Variants in ATE1 observed in about 807,000 individuals in gnomAD.
The protein encoded by ATE1 is arginyltransferase 1.
Under a neutral mutation model 70.5 loss-of-function variants are expected in ATE1, and 36 were observed. That is an observed-to-expected ratio of 0.51 (90% CI 0.39 to 0.67). The LOEUF is 0.67. ATE1 is among the 30% of genes least tolerant of loss of function. The pLI, the probability that ATE1 is intolerant of heterozygous loss-of-function variation, is 0.00. For missense variants in ATE1, 593 were observed against 629.5 expected, an observed-to-expected ratio of 0.94 and a Z score of 0.62; for synonymous variants, 232 against 219.3, an observed-to-expected ratio of 1.06 and a Z score of -0.51.
At position 121,845,731 on chromosome 10, in the gene ATE1, G is replaced by C. The variant is rs143250318; in HGVS notation, c.976-4468C>G. Among the ~76,000 whole-genome samples, 129 of 152,262 alleles carry C rather than the reference G, an allele frequency of 8.5e-4. No individual in the cohort carries two copies. The Middle Eastern group carries it at 0.01, about 12-fold the overall frequency. ...GACAGTAAGAATCAGGTTTCTTACA[G>C]TTACAGTGGGAATTTACAGATAAGC... On this transcript the variant is annotated intron_variant, in intron 8 of 11. Coordinates refer to ENST00000224652, the MANE Select transcript of ATE1 (RefSeq NM_001001976.3).
At chr10:121,910,372 G>A (rs1281806597) in intron 5 of ATE1, among the ~76,000 whole-genome samples, 1 of 151,882 alleles carries the variant, frequency 6.6e-6, no homozygotes, top group Non-Finnish European at 1.5e-5. Context: ...TTTAATACTG[G>A]ATAAACTTAT....
intron 10 of ATE1, among the ~76,000 whole-genome samples, chr10:121,803,123 C>G (rs1041773036): frequency 6.6e-6 from 1 of 152,226 alleles, no homozygotes; most frequent in Admixed American, 6.5e-5. Context: ...TCACCCCTCC[C>G]CTTCCACCCC....
chr10:121,904,486 A>G (rs1951110607), intron 5 of ATE1, among the ~76,000 whole-genome samples: 2 of 151,190 alleles, frequency 1.3e-5, no homozygotes, highest in Admixed American at 1.3e-4. Flanking sequence ...CTAAATATTA[A>G]AAAAATGAAG....
intron 10 of ATE1, among the ~76,000 whole-genome samples, chr10:121,825,394 C>G (rs930191533): frequency 6.6e-6 from 1 of 152,106 alleles, no homozygotes; most frequent in African/African-American, 2.4e-5. Flanking sequence ...AAAATATTGG[C>G]TTAGGCAGAA....
At chr10:121,834,167 C>T (rs1049719358) in intron 10 of ATE1, among the ~76,000 whole-genome samples, 10 of 152,128 alleles carry the variant, frequency 6.6e-5, no homozygotes, top group Non-Finnish European at 1.2e-4. Flanking sequence ...AACATTTGTC[C>T]TCAGAGAGGA....
At chr10:121,823,632 C>G (rs1436373877) in intron 10 of ATE1, among the ~76,000 whole-genome samples, 2 of 152,200 alleles carry the variant, frequency 1.3e-5, no homozygotes, top group Non-Finnish European at 2.9e-5. Flanking sequence ...CAGGGTAGAG[C>G]TCAGACATTA....
intron 11 of ATE1, among the ~76,000 whole-genome samples, chr10:121,751,169 G>A (rs1204070770): frequency 2.0e-5 from 3 of 152,164 alleles, no homozygotes; most frequent in Non-Finnish European, 2.9e-5. Context: ...ATTCTATAAA[G>A]TAATACTGTT....
chr10:121,768,970 C>A (rs539665002), intron 11 of ATE1, among the ~76,000 whole-genome samples: 1 of 151,404 alleles, frequency 6.6e-6, no homozygotes, highest in Non-Finnish European at 1.5e-5. Context: ...GATGTCAATT[C>A]TCCCCAAATT....
chr10:121,745,978 T>C (rs369515501), intron 11 of ATE1, among the ~76,000 whole-genome samples: 1 of 152,212 alleles, frequency 6.6e-6, no homozygotes, highest in African/African-American at 2.4e-5. Flanking sequence ...ACAATAGTTA[T>C]TTTATTTAAA....
Position 121,910,900 on chromosome 10 carries a change from T to C in ATE1, c.583+6A>G. On this transcript the variant is annotated splice_donor_region_variant and intron_variant, in intron 5 of 11. Coordinates refer to ENST00000224652, the MANE Select transcript of ATE1 (RefSeq NM_001001976.3). ...AATATGACTTGGTATCAAAAATCTT[T>C]ACTACCTGGCTTAGGAACTGTGTGA... 2 of 1,612,800 alleles carry C rather than the reference T, an allele frequency of 1.2e-6. No individual in the cohort carries two copies. The highest frequency in any genetic ancestry group is 1.3e-5 in the African/African-American group (1 of 74,986).
intron 9 of ATE1, among the ~76,000 whole-genome samples, chr10:121,837,912 G>A (rs887221985): frequency 4.6e-5 from 7 of 152,038 alleles, no homozygotes; most frequent in Non-Finnish European, 1.0e-4. Context: ...TCCTGCCCAC[G>A]TCAGTTCATT....
At chr10:121,882,511 G>A (rs1048299013) in intron 7 of ATE1, among the ~76,000 whole-genome samples, 1 of 152,200 alleles carries the variant, frequency 6.6e-6, no homozygotes, top group Admixed American at 6.5e-5. Context: ...TGAGGAACCT[G>A]GAGTGAAGAG....
chr10:121,825,636 C>A (rs1477949279), intron 10 of ATE1, among the ~76,000 whole-genome samples: 1 of 152,160 alleles, frequency 6.6e-6, no homozygotes, highest in African/African-American at 2.4e-5. Context: ...ACACCCATTA[C>A]AATAGCTAGT....
At chr10:121,907,327 T>C (rs1458660971) in intron 5 of ATE1, among the ~76,000 whole-genome samples, 2 of 151,902 alleles carry the variant, frequency 1.3e-5, no homozygotes, top group Admixed American at 1.3e-4. Context: ...TAGCCAGGTG[T>C]GGTGGTGCAC....
At chr10:121,758,045 C>G (rs1944879516) in intron 11 of ATE1, among the ~76,000 whole-genome samples, 1 of 151,954 alleles carries the variant, frequency 6.6e-6, no homozygotes, top group South Asian at 2.1e-4. Flanking sequence ...ATGTGGCTAT[C>G]AAAATAAAAA....
At chr10:121,745,456 C>T (rs1298712239) in intron 11 of ATE1, among the ~76,000 whole-genome samples, 5 of 152,208 alleles carry the variant, frequency 3.3e-5, no homozygotes, top group Admixed American at 1.3e-4. Flanking sequence ...GTGGCTCACG[C>T]CTGTAATCCC....
At chr10:121,819,459 C>T (rs1159435025) in intron 10 of ATE1, among the ~76,000 whole-genome samples, 3 of 152,072 alleles carry the variant, frequency 2.0e-5, no homozygotes, top group Admixed American at 6.5e-5. Flanking sequence ...AATCCCAGCA[C>T]TTTGGGAGGC....
chr10:121,921,996 A>C (rs1035118956), intron 3 of ATE1, among the ~76,000 whole-genome samples: 1 of 152,250 alleles, frequency 6.6e-6, no homozygotes, highest in Non-Finnish European at 1.5e-5. Context: ...GCAATACACC[A>C]GAATGCAGAA....
intron 5 of ATE1, among the ~76,000 whole-genome samples, chr10:121,906,077 T>C (rs1951178098): frequency 6.6e-6 from 1 of 152,124 alleles, no homozygotes; most frequent in Non-Finnish European, 1.5e-5. Context: ...AGGGAATAGA[T>C]TTGTAATATT....
Sources: allele counts gnomAD v4.1 joint callset (sites outside exome capture counted in the v4.1 genomes callset), GRCh38; gene constraint gnomAD v4.1.1; transcripts MANE v1.5; gene names NCBI Gene and HGNC (gene_info 2026-07-23, HGNC 2026-07-21).